Variants in WDR25 observed in about 807,000 individuals in gnomAD.
WDR25 encodes WD repeat-containing protein 25.
WDR25 carries 35 observed loss-of-function variants against 47.7 expected under a neutral mutation model. The ratio of observed to expected loss-of-function variants is 0.73; its 90% CI spans 0.56 to 0.97. The LOEUF (loss-of-function observed/expected upper bound fraction) is 0.97, where lower values mean the gene tolerates loss of function less well. Ranked by LOEUF, WDR25 falls within the 50% of genes least tolerant of loss-of-function variation. The pLI is 0.00. For missense variants in WDR25, 634 were observed against 704.7 expected, an observed-to-expected ratio of 0.90 and a Z score of 1.14; for synonymous variants, 248 against 278.9, an observed-to-expected ratio of 0.89 and a Z score of 1.10.
chr14:100,515,051 T>C (rs896308219), intron 4 of WDR25, among the ~76,000 whole-genome samples: 3 of 152,226 alleles, frequency 2.0e-5, no homozygotes, highest in East Asian at 3.8e-4. Context: ...GTTTGCTCTG[T>C]TTCCAATGAG....
chr14:100,411,782 C>A (rs1464207920), intron 2 of WDR25, among the ~76,000 whole-genome samples: 1 of 152,214 alleles, frequency 6.6e-6, no homozygotes, highest in African/African-American at 2.4e-5. Flanking sequence ...GTGATCCACT[C>A]ACCTTGGCCT....
At chr14:100,409,366 T>C (rs1302551522) in intron 2 of WDR25, among the ~76,000 whole-genome samples, 2 of 152,216 alleles carry the variant, frequency 1.3e-5, no homozygotes, top group African/African-American at 4.8e-5. Flanking sequence ...GTTAGGAATA[T>C]TGGCATTTTA....
Position 100,404,978 on chromosome 14 carries a change from C to T in WDR25, c.822+23232C>T, listed in dbSNP as rs1036510614. 6.6e-6 allele frequency among the ~76,000 whole-genome samples: 1 copy of T among 152,162 alleles called. No homozygotes were observed. The highest frequency in any genetic ancestry group is 2.4e-5 in the African/African-American group (1 of 41,426). ...CCATGCTAGTTCTGTCTTTCCTGTG[C>T]TCGCAGAATCTGTCTGTCCTCTTGC... On this transcript the variant is annotated intron_variant, in intron 2 of 6. Coordinates refer to ENST00000402312, the MANE Select transcript of WDR25 (RefSeq NM_001161476.3). The surrounding 1 kb of genome is among the most constrained non-coding windows in gnomAD (Gnocchi z 4.6).
chr14:100,404,498 C>T lies in WDR25; in HGVS notation c.822+22752C>T, dbSNP rs1897473817. The stretch of plus-strand genomic sequence containing the variant: ...ACCATGGGAGGCAGAGCGCACACCC[C>T]TCTGGTGTTCCTGGCTGGGAAACAG... On this transcript the variant is annotated intron_variant, in intron 2 of 6. Transcript: ENST00000402312. This position sits in a 1 kb window ranked among gnomAD's most constrained non-coding sequence, Gnocchi z 4.6. Among the ~76,000 whole-genome samples, 1 of 152,218 alleles carries T rather than the reference C, an allele frequency of 6.6e-6. No individual in the cohort carries two copies. Among genetic ancestry groups the T allele is most frequent in the Admixed American group, 6.5e-5 (1 of 15,280 alleles).
rs1901123864 is a variant in WDR25, at chr14:100,506,726, T to TTTGGCCC, written c.1102-19144_1102-19143insTTGGCCC. 1.3e-5 allele frequency among the ~76,000 whole-genome samples: 2 copies of TTTGGCCC among 152,208 alleles called. No homozygotes were observed. The highest frequency in any genetic ancestry group is 2.9e-5 in the Non-Finnish European group (2 of 68,034). On this transcript the variant is annotated intron_variant, in intron 4 of 6. Transcript: ENST00000402312. The surrounding 1 kb of genome is among the most constrained non-coding windows in gnomAD (Gnocchi z 4.8). ...TGTATGTCTTCTTTTGAGAAGTGTC[T>TTTGGCCC]ATTCATGTCTTTGGCCCATTTTTTA...
chr14:100,456,122 A>G lies in WDR25; in HGVS notation c.823-11899A>G, dbSNP rs111914520. 4.9e-3 allele frequency among the ~76,000 whole-genome samples: 752 copies of G among 152,214 alleles called. 10 individuals carry two copies. The highest frequency in any genetic ancestry group is 0.017 in the African/African-American group (707 of 41,528). ...CCTGTAATCCCAGCTACTTGCGAGGATGAGGTGGGAGGATCACTTGAAGCC... is the reference window on the plus strand; with the variant it reads ...CCTGTAATCCCAGCTACTTGCGAGGGTGAGGTGGGAGGATCACTTGAAGCC... On this transcript the variant is annotated intron_variant, in intron 2 of 6. Transcript: ENST00000402312.
chr14:100,470,112 C>T (rs751794771), intron 3 of WDR25, among the ~76,000 whole-genome samples: 1 of 152,128 alleles, frequency 6.6e-6, no homozygotes, highest in Non-Finnish European at 1.5e-5. Context: ...CTGAGCTGAG[C>T]CACAGATTAG....
intron 2 of WDR25, among the ~76,000 whole-genome samples, chr14:100,442,491 C>T (rs1299794352): frequency 6.6e-6 from 1 of 152,198 alleles, no homozygotes; most frequent in Non-Finnish European, 1.5e-5. Context: ...GCTAGGCTCT[C>T]CCACACAAAA....
chr14:100,518,760 G>A (rs887477195), intron 4 of WDR25, among the ~76,000 whole-genome samples: 7 of 151,946 alleles, frequency 4.6e-5, no homozygotes, highest in East Asian at 3.9e-4. Flanking sequence ...GCATTGCAAC[G>A]TGTGCCTGTA....
At chr14:100,460,018 A>T (rs898271260) in intron 2 of WDR25, among the ~76,000 whole-genome samples, 1 of 148,284 alleles carries the variant, frequency 6.7e-6, no homozygotes, top group Non-Finnish European at 1.5e-5. Context: ...AACTCATTCT[A>T]TGAGGCCATG....
intron 3 of WDR25, among the ~76,000 whole-genome samples, chr14:100,474,354 A>G (rs1336811832): frequency 6.6e-6 from 1 of 152,188 alleles, no homozygotes; most frequent in African/African-American, 2.4e-5. Flanking sequence ...GTGCCTAGAG[A>G]TCCTTCACAT....
At chr14:100,405,900 C>T (rs1226388016) in intron 2 of WDR25, among the ~76,000 whole-genome samples, 1 of 152,202 alleles carries the variant, frequency 6.6e-6, no homozygotes, top group African/African-American at 2.4e-5. Flanking sequence ...CCAGGCTGTG[C>T]ATAGGCTTTT....
chr14:100,474,726 A>G (rs1217870811), intron 3 of WDR25, among the ~76,000 whole-genome samples: 2 of 152,224 alleles, frequency 1.3e-5, no homozygotes, highest in African/African-American at 2.4e-5. Flanking sequence ...GTGGCTGACA[A>G]TGGTCTGGGC....
chr14:100,403,908 TG>T (rs1897454901), intron 2 of WDR25, among the ~76,000 whole-genome samples: 1 of 152,232 alleles, frequency 6.6e-6, no homozygotes, highest in Non-Finnish European at 1.5e-5. Flanking sequence ...GAATGGATGA[TG>T]GACCCAGGGA....
chr14:100,404,320 C>T lies in WDR25; in HGVS notation c.822+22574C>T, dbSNP rs550089566. On this transcript the variant is annotated intron_variant, in intron 2 of 6. Coordinates refer to ENST00000402312, the MANE Select transcript of WDR25 (RefSeq NM_001161476.3). The surrounding 1 kb of genome is among the most constrained non-coding windows in gnomAD (Gnocchi z 4.6). ...AGTCTATGTTCGTTCCACTCTCCCA[C>T]GCCAGCCCGTAAGTGTAAAGCAGAT... is the stretch of plus-strand genomic sequence containing the variant. Among the ~76,000 whole-genome samples, 65 of 152,350 alleles carry T rather than the reference C, an allele frequency of 4.3e-4. No homozygotes were observed. The highest frequency in any genetic ancestry group is 1.2e-3 in the African/African-American group (49 of 41,570).
chr14:100,473,853 G>C lies in WDR25; in HGVS notation c.970+5685G>C, dbSNP rs147579980. ...CGTTCTTTGGCTTTCTGGCACTGTG[G>C]CTGGAGTTTCGCTAGCGTAGCTTAG... is the stretch of plus-strand genomic sequence containing the variant. On this transcript the variant is annotated intron_variant, in intron 3 of 6. Coordinates refer to ENST00000402312, the MANE Select transcript of WDR25 (RefSeq NM_001161476.3). Among the ~76,000 whole-genome samples, 81 of 152,320 alleles carry C rather than the reference G, an allele frequency of 5.3e-4. No homozygotes were observed. The East Asian group carries it at 0.015, about 28-fold the overall frequency.
intron 4 of WDR25, among the ~76,000 whole-genome samples, chr14:100,515,682 G>A (rs963180795): frequency 6.6e-6 from 1 of 151,920 alleles, no homozygotes; most frequent in African/African-American, 2.4e-5. Context: ...AGGCTGGAGT[G>A]CAGTGGCCTA....
chr14:100,462,073 G>A (rs1595113164), intron 2 of WDR25, among the ~76,000 whole-genome samples: 2 of 152,058 alleles, frequency 1.3e-5, no homozygotes, highest in South Asian at 2.1e-4. Context: ...AACCAAAAAC[G>A]AAAGGCAGGC....
intron 2 of WDR25, among the ~76,000 whole-genome samples, chr14:100,394,178 G>C (rs185814814): frequency 1.3e-5 from 2 of 152,196 alleles, no homozygotes; most frequent in Non-Finnish European, 2.9e-5. Flanking sequence ...TTTGCCTCCA[G>C]TTGCCTTGAT....
Sources: gnomAD v4.1 joint callset for allele counts (sites outside exome capture counted in the v4.1 genomes callset) on GRCh38, gnomAD v4.1.1 for gene constraint, Gnocchi (gnomAD v3.1) non-coding constraint, MANE v1.5 for transcripts, NCBI Gene and HGNC (gene_info 2026-07-23, HGNC 2026-07-21) for gene names.